GRIK2: variants seen among roughly 807,000 people sequenced by gnomAD.
GRIK2 encodes the protein glutamate ionotropic receptor kainate type subunit 2, also known as glutamate receptor ionotropic, kainate 2.
In GRIK2, 32 loss-of-function variants were observed where a neutral mutation model predicts 100.3. That is an observed-to-expected ratio of 0.32 (90% CI 0.24 to 0.43). The LOEUF (loss-of-function observed/expected upper bound fraction) is 0.43. GRIK2 is among the 20% of genes least tolerant of loss of function. The pLI is 1.00. For missense variants in GRIK2, 843 were observed against 1,114.9 expected (o/e 0.76, Z 3.47); for synonymous variants, 417 against 389.4 (o/e 1.07, Z -0.83).
At chr6:102,052,368 T>C (rs971639534) in intron 15 of GRIK2, among the ~76,000 whole-genome samples, 1 of 152,176 alleles carries the variant, frequency 6.6e-6, no homozygotes, top group Non-Finnish European at 1.5e-5. Flanking sequence ...ACTTTGTACA[T>C]TTGATTCAAA....
chr6:101,477,039 A>T (rs1772271554), intron 2 of GRIK2, among the ~76,000 whole-genome samples: 1 of 152,092 alleles, frequency 6.6e-6, no homozygotes, highest in Non-Finnish European at 1.5e-5. Flanking sequence ...GCATTTTTAA[A>T]CTCTCTATCG....
chr6:101,915,456 TCA>T lies in GRIK2; in HGVS notation c.1749-9140_1749-9139del, dbSNP rs571582039. ...GTGGTACTTGCTGAATATAAGAAGATCACACAGTTTCACAGGATAATTTGGTA... is the reference window on the plus strand; with the variant it reads ...GTGGTACTTGCTGAATATAAGAAGATCACAGTTTCACAGGATAATTTGGTA... On this transcript the variant is annotated intron_variant, in intron 12 of 16. Coordinates refer to ENST00000369134, the MANE Select transcript of GRIK2 (RefSeq NM_021956.5). Among the ~76,000 whole-genome samples the T allele has an allele frequency of 9.9e-4, 150 of 151,570 alleles. 2 individuals carry two copies. Among genetic ancestry groups the T allele is most frequent in the Non-Finnish European group, 1.8e-3 (124 of 67,602 alleles).
intron 11 of GRIK2, chr6:101,860,946 C>A: frequency 3.3e-6 from 3 of 919,288 alleles, no homozygotes; most frequent in Non-Finnish European, 3.9e-6. Flanking sequence ...TGAAAAAAGA[C>A]CTTTTCCCTG....
intron 11 of GRIK2, among the ~76,000 whole-genome samples, chr6:101,874,100 A>G (rs1244649378): frequency 3.3e-5 from 5 of 152,118 alleles, no homozygotes; most frequent in Admixed American, 2.0e-4. Flanking sequence ...CTTTAGTTTA[A>G]TTAGATCCCA....
intron 7 of GRIK2, among the ~76,000 whole-genome samples, chr6:101,713,388 C>T (rs1773849288): frequency 1.3e-5 from 2 of 151,554 alleles, no homozygotes; most frequent in South Asian, 2.1e-4. Flanking sequence ...TCAGGTAATT[C>T]GGTTCGTGAA....
chr6:101,832,727 T>G (rs1782783849), intron 10 of GRIK2, among the ~76,000 whole-genome samples: 1 of 152,208 alleles, frequency 6.6e-6, no homozygotes, highest in Non-Finnish European at 1.5e-5. Context: ...CATTTCATTT[T>G]TTTAAAATCT....
intron 9 of GRIK2, among the ~76,000 whole-genome samples, 170 bp from the exon 10 acceptor site, chr6:101,818,200 A>G (rs1442548219): frequency 6.6e-6 from 1 of 152,222 alleles, no homozygotes; most frequent in Middle Eastern, 3.2e-3. Context: ...TTCACTGAAC[A>G]CACTTCACAG....
At chr6:101,938,544 A>T (rs1054762779) in intron 14 of GRIK2, among the ~76,000 whole-genome samples, 1 of 152,224 alleles carries the variant, frequency 6.6e-6, no homozygotes, top group South Asian at 2.1e-4. Flanking sequence ...AAACAACTTG[A>T]ATCTTTGTTT....
intron 2 of GRIK2, among the ~76,000 whole-genome samples, chr6:101,580,753 A>G (rs1187883113): frequency 6.6e-6 from 1 of 151,962 alleles, no homozygotes; most frequent in Non-Finnish European, 1.5e-5. Context: ...TTTCTTGGAA[A>G]TGCCAGGCAT....
At chr6:101,508,565 T>G (rs1774136370) in intron 2 of GRIK2, among the ~76,000 whole-genome samples, 1 of 152,124 alleles carries the variant, frequency 6.6e-6, no homozygotes, top group African/African-American at 2.4e-5. Flanking sequence ...ATCCTACCCT[T>G]AGGAGTTTTC....
chr6:101,409,739 G>A (rs577337048), intron 2 of GRIK2, among the ~76,000 whole-genome samples: 1 of 151,982 alleles, frequency 6.6e-6, no homozygotes, highest in African/African-American at 2.4e-5. Flanking sequence ...AGATAATGTT[G>A]GATTTAATAG....
At chr6:101,564,978 C>T (rs1257824486) in intron 2 of GRIK2, among the ~76,000 whole-genome samples, 1 of 151,998 alleles carries the variant, frequency 6.6e-6, no homozygotes, top group Non-Finnish European at 1.5e-5. Flanking sequence ...ATCCATATTC[C>T]CCAAAATGTT....
intron 2 of GRIK2, among the ~76,000 whole-genome samples, chr6:101,573,957 G>A (rs531773865): frequency 1.2e-4 from 18 of 151,974 alleles, no homozygotes. Flanking sequence ...TAGACTTGAT[G>A]TTTTTTCTCC....
intron 12 of GRIK2, among the ~76,000 whole-genome samples, chr6:101,905,817 A>T (rs1788180046): frequency 6.6e-6 from 1 of 151,462 alleles, no homozygotes; most frequent in South Asian, 2.1e-4. Flanking sequence ...ATATATTTGG[A>T]ATAACCTGCC....
intron 14 of GRIK2, among the ~76,000 whole-genome samples, chr6:101,970,310 C>T (rs1792963864): frequency 6.6e-6 from 1 of 151,776 alleles, no homozygotes; most frequent in Non-Finnish European, 1.5e-5. Flanking sequence ...GGGCTTGGCC[C>T]AGGATGGTTC....
rs1562109505 is a variant in GRIK2 at position 101,399,158 on chromosome 6, A to G, written c.-120A>G. On this transcript the variant is annotated 5_prime_UTR_variant, in exon 2 of 17. The change abolishes an upstream ATG in the 5' untranslated region. Coordinates refer to ENST00000369134, the MANE Select transcript of GRIK2 (RefSeq NM_021956.5). ...GAAGCGGAGACTCCTTCCTCTCTCTATGACCATGCCGTGATCGTGTCTGCG... is the reference window on the plus strand; with the variant it reads ...GAAGCGGAGACTCCTTCCTCTCTCTGTGACCATGCCGTGATCGTGTCTGCG... The G allele has an allele frequency of 5.8e-6, 4 of 687,624 alleles. No homozygotes were observed. Among genetic ancestry groups the G allele is most frequent in the East Asian group, 2.6e-5 (1 of 38,640 alleles). 42.6% of individuals were successfully genotyped at this position (687,624 alleles called of 1,614,324 possible).
intron 15 of GRIK2, among the ~76,000 whole-genome samples, chr6:102,043,679 C>T (rs1406223552): frequency 1.4e-5 from 2 of 146,566 alleles, no homozygotes; most frequent in African/African-American, 5.0e-5. Flanking sequence ...TAAGGTTGAT[C>T]CTATAACTTG....
chr6:101,820,592 C>T (rs980999594), intron 10 of GRIK2, among the ~76,000 whole-genome samples: 3 of 152,012 alleles, frequency 2.0e-5, no homozygotes, highest in Non-Finnish European at 2.9e-5. Context: ...ACTACAGGCG[C>T]GCTACCACTC....
chr6:102,067,130 A>C (rs901299970), intron 16 of GRIK2, among the ~76,000 whole-genome samples: 1 of 151,756 alleles, frequency 6.6e-6, no homozygotes. Context: ...ATGTATTTTT[A>C]AGTTAACATA....
Sources: gnomAD v4.1 joint callset for allele counts (sites outside exome capture counted in the v4.1 genomes callset) on GRCh38, gnomAD v4.1.1 for gene constraint, MANE v1.5 for transcripts, NCBI Gene and HGNC (gene_info 2026-07-23, HGNC 2026-07-21) for gene names.